Variants in HOMER2 observed in about 807,000 individuals in gnomAD.
HOMER2 encodes homer scaffold protein 2, also known as homer protein homolog 2.
A neutral mutation model predicts 47.0 loss-of-function variants in HOMER2; 27 were observed. The ratio of observed to expected loss-of-function variants is 0.57; its 90% CI spans 0.42 to 0.79. The LOEUF (loss-of-function observed/expected upper bound fraction) is 0.79. Ranked by LOEUF, HOMER2 falls within the 30% of genes least tolerant of loss-of-function variation. The pLI, the probability that HOMER2 is intolerant of heterozygous loss-of-function variation, is 0.00. For synonymous variants in HOMER2, 161 were observed against 163.8 expected (o/e 0.98, Z 0.13); for missense variants, 443 against 435.0 (o/e 1.02, Z -0.16).
chr15:82,905,901 A>G (rs1322286593), intron 1 of HOMER2, among the ~76,000 whole-genome samples: 2 of 152,246 alleles, frequency 1.3e-5, no homozygotes, highest in East Asian at 3.8e-4. Context: ...AAGTGAAGGT[A>G]GCATAAAAAC....
chr15:82,849,768 C>T lies in HOMER2; in HGVS notation c.979G>A (p.Asp327Asn). Residue 327 changes from aspartate (D) to asparagine (N), a missense_variant, in exon 9 of 9, where the codon GAC (aspartate) becomes AAC (asparagine). Asp to Asn is a conservative substitution (Grantham distance 23). Transcript: ENST00000450735. ...CCTCGGCGGAAGTCATGCAGGTCGTCAATCTTCCCGTCCAGCACCTCCAGG... is the reference window on the plus strand; with the variant it reads ...CCTCGGCGGAAGTCATGCAGGTCGTTAATCTTCCCGTCCAGCACCTCCAGG... ...SFLEVLDGKI[D>N]DLHDFRRGLS... 2 of 1,613,950 alleles carry T rather than the reference C, an allele frequency of 1.2e-6. No individual in the cohort carries two copies. The highest frequency in any genetic ancestry group is 1.1e-5 in the South Asian group (1 of 91,076).
intron 2 of HOMER2, among the ~76,000 whole-genome samples, chr15:82,889,718 T>TCTCCATGCC (rs1374862880): frequency 1.3e-5 from 2 of 152,092 alleles, no homozygotes; most frequent in Non-Finnish European, 2.9e-5. Context: ...TAGGGTTCTC[T>TCTCCATGCC]CTCCATGCCC....
At chr15:82,904,409 G>A (rs535002052) in intron 1 of HOMER2, among the ~76,000 whole-genome samples, 1 of 152,182 alleles carries the variant, frequency 6.6e-6, no homozygotes, top group Non-Finnish European at 1.5e-5. Flanking sequence ...TCATAGGGGG[G>A]CCTGCCCACT....
At chr15:82,839,105 AAAC>A (rs2051152886) in exon 2 of HOMER2, 1 of 151,786 alleles carries the variant, frequency 6.6e-6, no homozygotes, top group South Asian at 2.1e-4. Context: ...CAGAAAAAAA[AAAC>A]CAAAATCTTA....
At chr15:82,911,655 A>C (rs1242503788) in intron 1 of HOMER2, among the ~76,000 whole-genome samples, 5 of 152,234 alleles carry the variant, frequency 3.3e-5, no homozygotes, top group Admixed American at 3.3e-4. Context: ...TGTGTGTTCC[A>C]ATAAAACTTT....
At chr15:82,951,787 T>C (rs2054510933) in intron 1 of HOMER2, among the ~76,000 whole-genome samples, 1 of 152,242 alleles carries the variant, frequency 6.6e-6, no homozygotes, top group African/African-American at 2.4e-5. Flanking sequence ...CCTGAATACG[T>C]ATGGCAAACC....
chr15:82,892,656 AG>A, intron 2 of HOMER2, 28 bp downstream of exon 2: 1 of 1,457,112 alleles, frequency 6.9e-7, no homozygotes, highest in South Asian at 1.6e-5. Context: ...AGCAACTGGG[AG>A]TATTAAAATC....
At chr15:82,871,595 G>C (rs908521744) in intron 3 of HOMER2, among the ~76,000 whole-genome samples, 2 of 152,202 alleles carry the variant, frequency 1.3e-5, no homozygotes, top group East Asian at 3.8e-4. Context: ...TTTGGACAAA[G>C]GGGTTATCTG....
chr15:82,868,541 A>ATATATATATTTTTTTT, intron 3 of HOMER2, among the ~76,000 whole-genome samples: 1 of 71,286 alleles, frequency 1.4e-5, no homozygotes, highest in Non-Finnish European at 2.8e-5. Flanking sequence ...ATATATATAT[A>ATATATATATTTTTTTT]TTTTTTTTTT....
At chr15:82,954,964 G>GAC (rs1310395843), upstream of HOMER2, among the ~76,000 whole-genome samples, 1 of 151,722 alleles carries the variant, frequency 6.6e-6, no homozygotes, top group Non-Finnish European at 1.5e-5. Context: ...TTTTAGTAGA[G>GAC]ACAGGATTTC....
At chr15:82,891,123 G>A (rs1306308508) in intron 2 of HOMER2, among the ~76,000 whole-genome samples, 6 of 152,090 alleles carry the variant, frequency 3.9e-5, no homozygotes, top group Admixed American at 6.6e-5. Context: ...TCTCTGAAGC[G>A]GAGGGAGATA....
chr15:82,850,707 C>T (rs781092935), intron 8 of HOMER2, among the ~76,000 whole-genome samples: 31 of 152,200 alleles, frequency 2.0e-4, no homozygotes, highest in Non-Finnish European at 4.0e-4. Context: ...AGAGGCGCTC[C>T]GAGGTGGAGG....
At chr15:82,942,538 CG>C (rs1278035415) in intron 1 of HOMER2, among the ~76,000 whole-genome samples, 1 of 152,174 alleles carries the variant, frequency 6.6e-6, no homozygotes, top group Non-Finnish European at 1.5e-5. Context: ...CTAGAGCCAC[CG>C]ATGTCCATCA....
At chr15:82,835,635 A>G (rs1481431390), downstream of HOMER2, 1 of 152,336 alleles carries the variant, frequency 6.6e-6, no homozygotes, top group Non-Finnish European at 1.5e-5. Flanking sequence ...GTATGAATGA[A>G]TGTGCCTCAC....
intron 1 of HOMER2, among the ~76,000 whole-genome samples, chr15:82,974,055 G>T (rs1332664885): frequency 6.6e-6 from 1 of 151,878 alleles, no homozygotes; most frequent in Admixed American, 6.6e-5. Flanking sequence ...CAGAGATCGT[G>T]CCACTGCACT....
intron 1 of HOMER2, among the ~76,000 whole-genome samples, chr15:82,894,165 A>C (rs1232473466): frequency 6.6e-6 from 1 of 152,170 alleles, no homozygotes. Context: ...CCAAATTTGC[A>C]TATTACCTAT....
At chr15:82,940,017 T>C (rs747771976) in intron 1 of HOMER2, among the ~76,000 whole-genome samples, 1 of 151,800 alleles carries the variant, frequency 6.6e-6, no homozygotes, top group Non-Finnish European at 1.5e-5. Flanking sequence ...AATTGAACAA[T>C]GAGAACACCT....
intron 8 of HOMER2, 22 bp from the exon 9 acceptor site, chr15:82,849,925 G>A: frequency 6.2e-7 from 1 of 1,610,768 alleles, no homozygotes; most frequent in Non-Finnish European, 8.5e-7. Context: ...AAAGGGAGAA[G>A]GGTCTAGAAA....
chr15:82,950,588 A>G (rs990070979), intron 1 of HOMER2, among the ~76,000 whole-genome samples: 1 of 152,128 alleles, frequency 6.6e-6, no homozygotes, highest in East Asian at 1.9e-4. Flanking sequence ...CTGCATCTCA[A>G]TTTACGACCA....
Sources: allele counts gnomAD v4.1 joint callset (sites outside exome capture counted in the v4.1 genomes callset), GRCh38; gene constraint gnomAD v4.1.1; transcripts MANE v1.5; gene names NCBI Gene and HGNC (gene_info 2026-07-23, HGNC 2026-07-21).